ADA: variants seen among roughly 807,000 people sequenced by gnomAD.
ADA encodes the protein adenosine aminohydrolase.
ADA carries 45 observed loss-of-function variants against 49.0 expected under a neutral mutation model. The observed-to-expected ratio is 0.92, with a 90% CI of 0.72 to 1.18. The LOEUF (loss-of-function observed/expected upper bound fraction) is 1.18. Ranked by LOEUF, ADA falls within the 50% of genes most tolerant of loss-of-function variation. The probability of loss-of-function intolerance (pLI) is 0.00; values close to 1 mark genes in which losing one functional copy is unlikely to be tolerated. For missense variants in ADA, 445 were observed against 472.5 expected, an observed-to-expected ratio of 0.94 and a Z score of 0.54; for synonymous variants, 173 against 184.2, an observed-to-expected ratio of 0.94 and a Z score of 0.49.
intron 2 of ADA, among the ~76,000 whole-genome samples, chr20:44,629,727 G>T (rs2145326215): frequency 6.6e-6 from 1 of 152,306 alleles, no homozygotes; most frequent in East Asian, 1.9e-4. Context: ...GAGGGGCCCA[G>T]TGGGCCGCCA....
intron 11 of ADA, 73 bp downstream of exon 11, chr20:44,620,226 G>T: frequency 1.5e-6 from 2 of 1,307,556 alleles, no homozygotes; most frequent in Non-Finnish European, 2.2e-6. Flanking sequence ...AGGGCATCTT[G>T]CTAGAAGTCC....
chr20:44,650,595 CCTAA>C lies in ADA; in HGVS notation c.33+976_33+979del, dbSNP rs2065635204. 3.3e-5 allele frequency among the ~76,000 whole-genome samples: 5 copies of C among 150,798 alleles called. No individual in the cohort carries two copies. The South Asian group carries it at 1.1e-3, about 32-fold the overall frequency. ...GGAGTGCACCACCACACACACTTCC[CCTAA>C]CTTTTTTTATTTTTTGGAGAGACGG... On this transcript the variant is annotated intron_variant, in intron 1 of 11. Coordinates refer to ENST00000372874, the MANE Select transcript of ADA (RefSeq NM_000022.4).
intron 2 of ADA, among the ~76,000 whole-genome samples, chr20:44,631,790 A>T (rs2065435890): frequency 6.6e-6 from 1 of 152,002 alleles, no homozygotes; most frequent in African/African-American, 2.4e-5. Flanking sequence ...ATGCCCATAC[A>T]CCACCACTGA....
At position 44,625,678 on chromosome 20, in the gene ADA, G is replaced by A; in HGVS notation, c.369C>T (p.Asp123=). 1 of 1,560,378 alleles carries A rather than the reference G, an allele frequency of 6.4e-7. No homozygotes were observed. Among genetic ancestry groups the A allele is most frequent in the Non-Finnish European group, 8.7e-7 (1 of 1,151,482 alleles). The change falls in exon 5 of 12, where the codon GAC becomes GAT. Residue 123 remains aspartate, a synonymous_variant. Transcript: ENST00000372874. ...GGGCCACCACCTCGTCTGGGGTGAG[G>A]TCCCCTCTGTGTGAGGAGAGGAGTA... The part of the protein sequence containing the change: ...EPIPWNQAEG[D]LTPDEVVALV...
chr20:44,622,755 C>T (rs1230646021), intron 8 of ADA, 74 bp downstream of exon 8: 1 of 1,613,834 alleles, frequency 6.2e-7, no homozygotes, highest in Non-Finnish European at 8.5e-7. Context: ...TGGGACCCGC[C>T]CTGCTTTCTG....
Position 44,625,663 on chromosome 20 carries a change from C to T in ADA, c.384G>A (p.Glu128=), listed in dbSNP as rs572092463. 287 of 1,567,252 alleles carry T rather than the reference C, an allele frequency of 1.8e-4. No homozygotes were observed. The highest frequency in any genetic ancestry group is 5.8e-4 in the Admixed American group (31 of 53,368). Residue 128 remains glutamate (E), a synonymous_variant, in exon 5 of 12, where the codon GAG becomes GAA. Coordinates refer to ENST00000372874, the MANE Select transcript of ADA (RefSeq NM_000022.4). ...GGCCCTGGCCCACTAGGGCCACCAC[C>T]TCGTCTGGGGTGAGGTCCCCTCTGT... The part of the protein sequence containing the change: ...NQAEGDLTPD[E]VVALVGQGLQ...
chr20:44,623,105 G>C, intron 6 of ADA, 27 bp from the exon 7 acceptor site: 1 of 1,613,426 alleles, frequency 6.2e-7, no homozygotes, highest in Non-Finnish European at 8.5e-7. Context: ...CAGGTCATGG[G>C]TGCCCTAGCG....
intron 3 of ADA, 41 bp downstream of exon 3, chr20:44,629,006 A>T: frequency 1.2e-6 from 2 of 1,613,812 alleles, no homozygotes; most frequent in Non-Finnish European, 1.7e-6. Context: ...AGTCATAGGG[A>T]TCAATGCTGC....
At chr20:44,651,528 C>T (rs1019411876) in intron 1 of ADA, 47 bp downstream of exon 1, 26 of 1,517,358 alleles carry the variant, frequency 1.7e-5, no homozygotes, top group Admixed American at 1.0e-4. Context: ...CCCCTCGGGC[C>T]GCCCAGGCGC....
chr20:44,648,103 G>C (rs1270395931), intron 1 of ADA, among the ~76,000 whole-genome samples: 1 of 152,138 alleles, frequency 6.6e-6, no homozygotes, highest in Non-Finnish European at 1.5e-5. Flanking sequence ...GACAGCTATT[G>C]TTATGATTAT....
chr20:44,637,414 G>C (rs1283114803), intron 1 of ADA, among the ~76,000 whole-genome samples: 1 of 152,208 alleles, frequency 6.6e-6, no homozygotes, highest in African/African-American at 2.4e-5. Flanking sequence ...GCTCAGTCAG[G>C]GTGTTTACCA....
chr20:44,624,013 TG>T, intron 6 of ADA, 188 bp downstream of exon 6: 1 of 771,502 alleles, frequency 1.3e-6, no homozygotes, highest in Non-Finnish European at 2.1e-6. Context: ...CCCAAAGTGC[TG>T]GGATCACAGG....
At chr20:44,630,002 C>T (rs1249785785) in intron 2 of ADA, among the ~76,000 whole-genome samples, 1 of 151,520 alleles carries the variant, frequency 6.6e-6, no homozygotes, top group Non-Finnish European at 1.5e-5. Flanking sequence ...AGTTTCCCCC[C>T]CCTTTTTTTT....
intron 2 of ADA, among the ~76,000 whole-genome samples, chr20:44,633,657 C>A (rs1449790136): frequency 1.3e-5 from 2 of 152,184 alleles, no homozygotes; most frequent in African/African-American, 4.8e-5. Flanking sequence ...CAGGGAGGGG[C>A]AGTGGTGGCC....
At chr20:44,621,421 G>A (rs1209333675) in intron 9 of ADA, among the ~76,000 whole-genome samples, 2 of 152,130 alleles carry the variant, frequency 1.3e-5, no homozygotes, top group African/African-American at 2.4e-5. Context: ...AATGGCAGCC[G>A]GTGGGGGCGT....
intron 1 of ADA, among the ~76,000 whole-genome samples, chr20:44,644,953 C>G (rs910272949): frequency 2.6e-5 from 4 of 152,212 alleles, no homozygotes; most frequent in African/African-American, 9.6e-5. Context: ...AAGACTGAGG[C>G]TCAGAGAGTG....
intron 1 of ADA, among the ~76,000 whole-genome samples, chr20:44,649,022 A>C (rs1051674802): frequency 3.9e-5 from 6 of 152,026 alleles, no homozygotes; most frequent in African/African-American, 1.5e-4. Context: ...GGGCACTGGC[A>C]CCTCTATCCC....
chr20:44,619,531 C>G lies in ADA; in HGVS notation c.*303G>C. 2.5e-6 allele frequency: 1 copy of G among 403,618 alleles called. No homozygotes were observed. The highest frequency in any genetic ancestry group is 4.7e-6 in the Non-Finnish European group (1 of 214,542). The allele number at this position is 403,618 out of a possible 1,614,324, so 25.0% of individuals were successfully genotyped here. A position where few individuals can be genotyped will look rare whatever the true frequency, so the allele number is the denominator to read the frequency against. ...ATTACATGCCACCTGCTGCATGCCA[C>G]CAGCCATGGGCTTCTTTATTGAGCA... On this transcript the variant is annotated 3_prime_UTR_variant, in exon 12 of 12. Transcript: ENST00000372874.
At chr20:44,637,049 C>G (rs559824702) in intron 1 of ADA, among the ~76,000 whole-genome samples, 2 of 152,184 alleles carry the variant, frequency 1.3e-5, no homozygotes, top group Non-Finnish European at 2.9e-5. Context: ...CAGGTGTCCA[C>G]CCACCTCAGC....
Sources: allele counts gnomAD v4.1 joint callset (sites outside exome capture counted in the v4.1 genomes callset), GRCh38; gene constraint gnomAD v4.1.1; transcripts MANE v1.5; gene names NCBI Gene and HGNC (gene_info 2026-07-23, HGNC 2026-07-21).